RPH3A: variants seen among roughly 807,000 people sequenced by gnomAD.
The protein encoded by RPH3A is rabphilin 3A.
In RPH3A, 48 loss-of-function variants were observed where a neutral mutation model predicts 102.2. That is an observed-to-expected ratio of 0.47 (90% CI 0.37 to 0.60). The LOEUF is 0.60. Among genes scored for constraint, RPH3A ranks in the 20% least tolerant of loss-of-function variants. RPH3A has a pLI of 0.00. For missense variants in RPH3A, 781 were observed against 910.1 expected (o/e 0.86, Z 1.83); for synonymous variants, 310 against 324.3 (o/e 0.96, Z 0.47).
chr12:112,882,419 T>G (rs975515986), intron 15 of RPH3A, among the ~76,000 whole-genome samples: 2 of 152,214 alleles, frequency 1.3e-5, no homozygotes, highest in African/African-American at 4.8e-5. Flanking sequence ...GTTTTTGTTT[T>G]GTGCTTTGTA....
At chr12:112,728,893 C>T (rs1261527731) in intron 1 of RPH3A, among the ~76,000 whole-genome samples, 1 of 152,158 alleles carries the variant, frequency 6.6e-6, no homozygotes, top group Non-Finnish European at 1.5e-5. Flanking sequence ...ATATTCATGT[C>T]TTTTCTGGGA....
rs757609306 is a variant in RPH3A, at chr12:112,847,758, A to T, written c.146A>T (p.Glu49Val). The change falls in exon 5 of 22, where the codon GAG becomes GTG. Residue 49 changes from glutamate (E) to valine (V), a missense_variant. By Grantham distance (121) the Glu-to-Val change is moderately radical (BLOSUM62 -2). Transcript: ENST00000389385. ...GQPDRQRKQE[E>V]LTDEEKEIIN... ...CCTGACAGGCAGAGGAAGCAGGAAG[A>T]GCTGACTGATGAGGAGAAAGAAATC... 6.2e-7 allele frequency: 1 copy of T among 1,614,240 alleles called. No individual in the cohort carries two copies. Among genetic ancestry groups the T allele is most frequent in the South Asian group, 1.1e-5 (1 of 91,088 alleles).
Position 112,762,705 on chromosome 12 carries a change from T to C in RPH3A, c.-139-29438T>C, listed in dbSNP as rs11837068. Among the ~76,000 whole-genome samples, 581 of 152,342 alleles carry C rather than the reference T, an allele frequency of 3.8e-3. 5 individuals are homozygous for C. The highest frequency in any genetic ancestry group is 0.013 in the African/African-American group (555 of 41,568). On this transcript the variant is annotated intron_variant, in intron 1 of 21. Coordinates refer to the RPH3A transcript ENST00000543106. ...TTGTTAGATCAATTTCCCTTTGTGTTGGCTTCATTCTTAAGTATAGTCATT... is the reference window on the plus strand; with the variant it reads ...TTGTTAGATCAATTTCCCTTTGTGTCGGCTTCATTCTTAAGTATAGTCATT...
intron 1 of RPH3A, among the ~76,000 whole-genome samples, chr12:112,715,857 G>A (rs960410626): frequency 2.6e-5 from 4 of 152,198 alleles, no homozygotes; most frequent in African/African-American, 7.2e-5. Context: ...CCTGAGGGCT[G>A]CTGGTTACCC....
intron 1 of RPH3A, among the ~76,000 whole-genome samples, chr12:112,727,482 C>G (rs1483500234): frequency 7.0e-5 from 8 of 114,100 alleles, no homozygotes; most frequent in Admixed American, 4.5e-4. Flanking sequence ...CACACACACA[C>G]ACACACACAG....
Position 112,895,835 on chromosome 12 carries a change from T to G in RPH3A, c.1916T>G (p.Val639Gly), listed in dbSNP as rs755127445. ...DLAKKSLDISVWDYDIGKSND... is the reference protein window; with the variant it reads ...DLAKKSLDISGWDYDIGKSND... Reference sequence around the variant, plus strand: ...GCAAAGAAGTCACTGGACATTTCAGTCTGGGACTATGACATCGGCAAGTCC... The same window carrying G: ...GCAAAGAAGTCACTGGACATTTCAGGCTGGGACTATGACATCGGCAAGTCC... Residue 639 changes from valine to glycine, a missense_variant, in exon 21 of 22, where the codon GTC (valine) becomes GGC (glycine). Physicochemically the swap from Val to Gly is moderately radical, Grantham distance 109. Coordinates refer to ENST00000389385, the MANE Select transcript of RPH3A (RefSeq NM_001143854.2). 6.2e-7 allele frequency: 1 copy of G among 1,614,056 alleles called. No homozygotes were observed. Among genetic ancestry groups the G allele is most frequent in the Non-Finnish European group, 8.5e-7 (1 of 1,179,970 alleles).
intron 1 of RPH3A, among the ~76,000 whole-genome samples, chr12:112,771,163 A>T (rs2040925028): frequency 6.6e-6 from 1 of 152,222 alleles, no homozygotes; most frequent in Non-Finnish European, 1.5e-5. Flanking sequence ...TATTTAAGTG[A>T]ATCTGCTTAA....
chr12:112,809,174 A>G (rs914762162), intron 2 of RPH3A, among the ~76,000 whole-genome samples: 6 of 152,170 alleles, frequency 3.9e-5, no homozygotes, highest in African/African-American at 1.4e-4. Flanking sequence ...TGGGACTTGC[A>G]ACAAAATCAT....
chr12:112,659,317 C>T (rs1566246481), intron 1 of RPH3A, among the ~76,000 whole-genome samples: 1 of 152,190 alleles, frequency 6.6e-6, no homozygotes, highest in African/African-American at 2.4e-5. Context: ...TCCTTAATCT[C>T]CTTCAGTTTG....
intron 4 of RPH3A, among the ~76,000 whole-genome samples, chr12:112,838,653 C>T (rs889789150): frequency 2.0e-5 from 3 of 152,160 alleles, no homozygotes; most frequent in Non-Finnish European, 2.9e-5. Context: ...CTTCATGCCC[C>T]GACAGCATTT....
intron 1 of RPH3A, chr12:112,617,612 G>A (rs935236476): frequency 1.3e-5 from 2 of 152,214 alleles, no homozygotes; most frequent in Admixed American, 6.5e-5. Context: ...CTGAAATAAC[G>A]GAAGGAACAA....
chr12:112,802,692 C>A (rs2136106211), intron 2 of RPH3A, among the ~76,000 whole-genome samples: 1 of 152,102 alleles, frequency 6.6e-6, no homozygotes, highest in South Asian at 2.1e-4. Flanking sequence ...TTGCCCCCCT[C>A]TTAAATGGCT....
intron 1 of RPH3A, among the ~76,000 whole-genome samples, chr12:112,738,173 T>C (rs1451545044): frequency 6.8e-6 from 1 of 148,002 alleles, no homozygotes; most frequent in Non-Finnish European, 1.5e-5. Context: ...TCATTCCTCT[T>C]CTTTTATAGT....
At chr12:112,713,064 CTTCTTCT>C (rs2040489158) in intron 1 of RPH3A, among the ~76,000 whole-genome samples, 1 of 111,952 alleles carries the variant, frequency 8.9e-6, no homozygotes, top group Non-Finnish European at 1.9e-5. Flanking sequence ...TCTTCTTCTT[CTTCTTCT>C]TCTTCTTCTT....
intron 1 of RPH3A, among the ~76,000 whole-genome samples, chr12:112,658,934 CA>C: frequency 6.6e-6 from 1 of 152,312 alleles, no homozygotes; most frequent in East Asian, 1.9e-4. Context: ...TAACAGTTAA[CA>C]TTGAGAACTC....
At chr12:112,607,823 T>C (rs1178133446) in intron 1 of RPH3A, among the ~76,000 whole-genome samples, 1 of 152,220 alleles carries the variant, frequency 6.6e-6, no homozygotes, top group Non-Finnish European at 1.5e-5. Context: ...CCTGGCCTCT[T>C]GTCCATTAAA....
At chr12:112,720,140 C>G (rs746210831) in intron 1 of RPH3A, among the ~76,000 whole-genome samples, 1 of 152,242 alleles carries the variant, frequency 6.6e-6, no homozygotes, top group Non-Finnish European at 1.5e-5. Flanking sequence ...ACTGTCTCCT[C>G]CCCATGATTG....
rs1424448020 is a variant in RPH3A, at chr12:112,828,226, C to T, written c.-18-75C>T. The T allele has an allele frequency of 3.1e-6, 3 of 978,178 alleles. No homozygotes were observed. In the African/African-American group the frequency reaches 4.9e-5, roughly 16 times the overall value. The allele number at this position is 978,178 out of a possible 1,614,324, so 60.6% of individuals were successfully genotyped here. A position where few individuals can be genotyped will look rare whatever the true frequency, so the allele number is the denominator to read the frequency against. On this transcript the variant is annotated intron_variant, in intron 2 of 21. Coordinates refer to ENST00000389385, the MANE Select transcript of RPH3A (RefSeq NM_001143854.2). ...CTTCTCTATCCCACTGGGTGTGTGG[C>T]ATAAAGCAGGGATTTGGGAACTAAG...
chr12:112,597,493 AGGCTGAGGT>A (rs2039526040), intron 1 of RPH3A, among the ~76,000 whole-genome samples: 1 of 152,074 alleles, frequency 6.6e-6, no homozygotes, highest in Non-Finnish European at 1.5e-5. Flanking sequence ...CAGCCTTGGG[AGGCTGAGGT>A]GGGATGATCA....
Sources: allele counts gnomAD v4.1 joint callset (sites outside exome capture counted in the v4.1 genomes callset), GRCh38; gene constraint gnomAD v4.1.1; transcripts MANE v1.5; gene names NCBI Gene and HGNC (gene_info 2026-07-23, HGNC 2026-07-21).